Variants in RBFOX1 observed in about 807,000 individuals in gnomAD.
RBFOX1 encodes the protein RNA binding fox-1 homolog 1, also known as RNA binding protein fox-1 homolog 1.
Under a neutral mutation model 57.7 loss-of-function variants are expected in RBFOX1, and 8 were observed. The ratio of observed to expected loss-of-function variants is 0.14; its 90% confidence interval spans 0.08 to 0.25. RBFOX1 has a LOEUF of 0.25. Among genes scored for constraint, RBFOX1 ranks in the 10% least tolerant of loss-of-function variants. The probability of loss-of-function intolerance (pLI) is 1.00; values close to 1 mark genes in which losing one functional copy is unlikely to be tolerated. For synonymous variants in RBFOX1, 326 were observed against 222.4 expected, an observed-to-expected ratio of 1.47 and a Z score of -4.15; for missense variants, 611 against 548.5, an observed-to-expected ratio of 1.11 and a Z score of -1.14.
intron 1 of RBFOX1, among the ~76,000 whole-genome samples, chr16:6,310,137 C>T (rs556513079): frequency 3.3e-4 from 50 of 152,298 alleles, no homozygotes; most frequent in Admixed American, 2.2e-3. Flanking sequence ...CCGCCCACCT[C>T]GGCCTACGAA....
At chr16:7,166,536 C>T (rs547741224) in intron 4 of RBFOX1, among the ~76,000 whole-genome samples, 1 of 152,088 alleles carries the variant, frequency 6.6e-6, no homozygotes, top group Non-Finnish European at 1.5e-5. Flanking sequence ...TCAAAGAAGC[C>T]TAGAGCTGAG....
chr16:5,277,010 A>C (rs1450328465), intron 1 of RBFOX1, among the ~76,000 whole-genome samples: 1 of 152,214 alleles, frequency 6.6e-6, no homozygotes, highest in African/African-American at 2.4e-5. Flanking sequence ...TACATCAGCA[A>C]AATTCACATT....
At chr16:6,865,424 T>C (rs1233489674) in intron 3 of RBFOX1, among the ~76,000 whole-genome samples, 1 of 152,156 alleles carries the variant, frequency 6.6e-6, no homozygotes, top group East Asian at 1.9e-4. Context: ...CCAGTGTTTA[T>C]CATTAGTGTG....
At position 5,555,544 on chromosome 16, in the gene RBFOX1, C is replaced by T. The variant is rs578208857; in HGVS notation, c.259-43358C>T. Among the ~76,000 whole-genome samples the T allele has an allele frequency of 7.2e-5, 11 of 152,098 alleles. No homozygotes were observed. In the South Asian group the frequency reaches 8.3e-4, roughly 12 times the overall value. On this transcript the variant is annotated intron_variant, in intron 2 of 2. Transcript: ENST00000585867. Reference sequence around the variant, plus strand: ...GGGATTACAGGCATGAGCCACTGCACGGGGCCTTGCAATTACTTTTAATGG... The same window carrying T: ...GGGATTACAGGCATGAGCCACTGCATGGGGCCTTGCAATTACTTTTAATGG...
At chr16:5,944,829 C>T (rs2059363655) in intron 4 of RBFOX1, among the ~76,000 whole-genome samples, 1 of 100,420 alleles carries the variant, frequency 1.0e-5, no homozygotes, top group Non-Finnish European at 2.1e-5. Flanking sequence ...TGTGGTGTCA[C>T]ACACCTGTAG....
At chr16:6,764,028 G>T (rs983926537) in intron 3 of RBFOX1, among the ~76,000 whole-genome samples, 3 of 152,180 alleles carry the variant, frequency 2.0e-5, no homozygotes, top group Non-Finnish European at 2.9e-5. Context: ...CTGTCTGCAT[G>T]CTGTGAAGGA....
chr16:5,565,632 A>C (rs1050916370), intron 2 of RBFOX1, among the ~76,000 whole-genome samples: 1 of 67,050 alleles, frequency 1.5e-5, no homozygotes, highest in African/African-American at 7.2e-5. Flanking sequence ...CCTTACATAA[A>C]TAAATAAATA....
At chr16:6,821,369 C>A (rs561970304) in intron 3 of RBFOX1, among the ~76,000 whole-genome samples, 1 of 152,150 alleles carries the variant, frequency 6.6e-6, no homozygotes, top group Non-Finnish European at 1.5e-5. Context: ...GTCTTTGATA[C>A]TGTTTTATTT....
intron 1 of RBFOX1, among the ~76,000 whole-genome samples, chr16:6,238,969 G>C (rs1194303380): frequency 6.6e-6 from 1 of 151,874 alleles, no homozygotes; most frequent in Admixed American, 6.6e-5. Context: ...TCACCCTGTT[G>C]TGCTGTAAGG....
At chr16:5,907,549 C>T (rs148890479) in intron 4 of RBFOX1, among the ~76,000 whole-genome samples, 8 of 152,058 alleles carry the variant, frequency 5.3e-5, no homozygotes, top group Admixed American at 1.3e-4. Context: ...TGTGATTTTA[C>T]GTGCTTATAT....
At chr16:5,933,461 C>A (rs917032229) in intron 4 of RBFOX1, among the ~76,000 whole-genome samples, 1 of 152,256 alleles carries the variant, frequency 6.6e-6, no homozygotes, top group Admixed American at 6.5e-5. Flanking sequence ...TGAGGGATCT[C>A]TTTAGGATCA....
In RBFOX1 at chr16:7,579,769, T is replaced by C; in HGVS notation, c.271-8T>C. 1 of 1,614,036 alleles carries C rather than the reference T, an allele frequency of 6.2e-7. No individual in the cohort carries two copies. The highest frequency in any genetic ancestry group is 8.5e-7 in the Non-Finnish European group (1 of 1,179,944). The stretch of plus-strand genomic sequence containing the variant: ...GAGAACCTCTTCGGTTTCTTCTTGT[T>C]CTTTTAGCAGACAGATGACGCAGCA... On this transcript the variant is annotated splice_region_variant and splice_polypyrimidine_tract_variant and intron_variant, in intron 5 of 15. Coordinates refer to ENST00000550418, the MANE Select transcript of RBFOX1 (RefSeq NM_018723.4).
At chr16:6,930,047 C>G (rs1202627348) in intron 3 of RBFOX1, among the ~76,000 whole-genome samples, 1 of 152,172 alleles carries the variant, frequency 6.6e-6, no homozygotes, top group African/African-American at 2.4e-5. Context: ...CTTATCCCCT[C>G]TCTCCCATAG....
At chr16:5,902,181 C>G (rs966926516) in intron 4 of RBFOX1, among the ~76,000 whole-genome samples, 7 of 152,062 alleles carry the variant, frequency 4.6e-5, no homozygotes, top group Non-Finnish European at 1.0e-4. Context: ...TATTTATCGC[C>G]CTCTCTCACC....
At chr16:6,943,502 A>T (rs975124257) in intron 3 of RBFOX1, among the ~76,000 whole-genome samples, 53 of 152,052 alleles carry the variant, frequency 3.5e-4, no homozygotes, top group Non-Finnish European at 6.3e-4. Context: ...AGGTCAGGAG[A>T]TTGAGACCAT....
intron 2 of RBFOX1, among the ~76,000 whole-genome samples, chr16:6,443,655 A>T (rs1489818279): frequency 6.6e-6 from 1 of 152,210 alleles, no homozygotes; most frequent in Non-Finnish European, 1.5e-5. Flanking sequence ...ATGCAATTTT[A>T]ATCAGTGATT....
chr16:7,537,896 T>C (rs946105059), intron 5 of RBFOX1, among the ~76,000 whole-genome samples: 4 of 152,226 alleles, frequency 2.6e-5, no homozygotes, highest in African/African-American at 4.8e-5. Context: ...ATCCGTGGTA[T>C]TTTTAAACAA....
At chr16:7,048,907 A>G (rs542328794) in intron 3 of RBFOX1, among the ~76,000 whole-genome samples, 1 of 152,238 alleles carries the variant, frequency 6.6e-6, no homozygotes, top group East Asian at 1.9e-4. Flanking sequence ...TCAGGCTGAA[A>G]GCTCTTGCTT....
rs571307763 is a variant in RBFOX1, at chr16:6,261,463, G to A, written c.-126-55532G>A. ...GATGATGAGTGTGATTGTTTTAGTGGCTCAGACATGCCCTGTGAGAGTTAT... is the reference window on the plus strand; with the variant it reads ...GATGATGAGTGTGATTGTTTTAGTGACTCAGACATGCCCTGTGAGAGTTAT... On this transcript the variant is annotated intron_variant, in intron 1 of 15. Transcript: ENST00000550418. Among the ~76,000 whole-genome samples the A allele has an allele frequency of 4.6e-5, 7 of 152,266 alleles. No individual in the cohort carries two copies. In the East Asian group the frequency reaches 1.4e-3, roughly 29 times the overall value.
Sources: gnomAD v4.1 joint callset for allele counts (sites outside exome capture counted in the v4.1 genomes callset) on GRCh38, gnomAD v4.1.1 for gene constraint, MANE v1.5 for transcripts, NCBI Gene and HGNC (gene_info 2026-07-23, HGNC 2026-07-21) for gene names.